Variants in MYH4 observed in about 807,000 individuals in gnomAD.
MYH4 encodes the protein myosin heavy chain 4, also known as myosin-4.
In MYH4, 200 loss-of-function variants were observed where a neutral mutation model predicts 229.9. That is an observed-to-expected ratio of 0.87 (90% CI 0.78 to 0.98). The LOEUF is 0.98. Among genes scored for constraint, MYH4 ranks in the 50% least tolerant of loss-of-function variants. The probability of loss-of-function intolerance (pLI) is 0.00; values close to 1 mark genes in which losing one functional copy is unlikely to be tolerated. For synonymous variants in MYH4, 761 were observed against 834.6 expected (o/e 0.91, Z 1.52); for missense variants, 2,148 against 2,332.6 (o/e 0.92, Z 1.63).
Position 10,447,197 on chromosome 17 carries a change from T to A in MYH4, c.4985A>T (p.Asp1662Val). Residue 1662 changes from aspartate (D) to valine (V), a missense_variant, in exon 35 of 40, where the codon GAT (aspartate) becomes GTT (valine). Physicochemically the swap from Asp to Val is radical, Grantham distance 152. Transcript: ENST00000255381. The part of the protein sequence containing the change: ...GILKDTQLHL[D>V]DAIRGQDDLK... ...GTCATCTTGGCCTCTGATGGCATCA[T>A]CCAAATGTAGCTGAGTGTCCTACAC... 6.2e-7 allele frequency: 1 copy of A among 1,614,126 alleles called. No individual in the cohort carries two copies. Among genetic ancestry groups the A allele is most frequent in the Non-Finnish European group, 8.5e-7 (1 of 1,179,996 alleles).
chr17:10,466,255 C>T lies in MYH4; in HGVS notation c.348+18G>A, dbSNP rs200731118. 37 of 1,611,164 alleles carry T rather than the reference C, an allele frequency of 2.3e-5. No homozygotes were observed. Among genetic ancestry groups the T allele is most frequent in the East Asian group, 6.7e-5 (3 of 44,836 alleles). On this transcript the variant is annotated intron_variant, in intron 4 of 39. Transcript: ENST00000255381. ...AGAATGTGGAGTGAGTGAGAAATAG[C>T]GTTGAAAGGGTGCTCACGTAGATCA... is the stretch of plus-strand genomic sequence containing the variant.
In MYH4 at chr17:10,443,466, G is replaced by T; in HGVS notation, c.5729C>A (p.Ala1910Asp). 6.2e-7 allele frequency: 1 copy of T among 1,614,014 alleles called. No individual in the cohort carries two copies. Among genetic ancestry groups the T allele is most frequent in the African/African-American group, 1.3e-5 (1 of 75,022 alleles). ...FRKLQHELEEAKERADIAESQ... is the reference protein window; with the variant it reads ...FRKLQHELEEDKERADIAESQ... ...CTCAGCAATGTCAGCCCGTTCCTTG[G>T]CCTCCTCCAGCTCGTGCTGGAGCTT... is the stretch of plus-strand genomic sequence containing the variant. Residue 1910 changes from alanine (A) to aspartate (D), a missense_variant, in exon 40 of 40, where the codon GCC becomes GAC. Transcript: ENST00000255381. This position sits in a 1 kb window ranked among gnomAD's most constrained non-coding sequence, Gnocchi z 4.6.
At chr17:10,447,563 G>A (rs1249811769) in intron 34 of MYH4, among the ~76,000 whole-genome samples, 1 of 152,172 alleles carries the variant, frequency 6.6e-6, no homozygotes, top group Non-Finnish European at 1.5e-5. Flanking sequence ...GTGGCATGTA[G>A]CCAAACTCTT....
chr17:10,462,863 ACATCTGTGGC>A lies in MYH4; in HGVS notation c.1000_1008+1del. 1 of 1,611,010 alleles carries A rather than the reference ACATCTGTGGC, an allele frequency of 6.2e-7. No individual in the cohort carries two copies. Among genetic ancestry groups the A allele is most frequent in the East Asian group, 2.2e-5 (1 of 44,872 alleles). ...TTTTACTACTTTGTACCTATTACTT[ACATCTGTGGC>A]CATCAGCTCTTCCTGGTCATCAATG... On this transcript the variant is annotated splice_donor_variant and coding_sequence_variant, in exon 11 of 40. Transcript: ENST00000255381. LOFTEE classifies it high-confidence loss of function.
rs372326986 is a variant in MYH4 at position 10,447,332 on chromosome 17, C to G, written c.4966-116G>C. On this transcript the variant is annotated intron_variant, in intron 34 of 39. Transcript: ENST00000255381. ...TAGAGTATGATTAGATAGGAGCAATCGGCAAGTACCTTTAATAATAAATTC... is the reference window on the plus strand; with the variant it reads ...TAGAGTATGATTAGATAGGAGCAATGGGCAAGTACCTTTAATAATAAATTC... 6 of 773,684 alleles carry G rather than the reference C, an allele frequency of 7.8e-6. No individual in the cohort carries two copies. The Admixed American group carries it at 1.2e-4, about 15-fold the overall frequency. 47.9% of individuals were successfully genotyped at this position (773,684 alleles called of 1,614,324 possible).
rs199974986 is a variant in MYH4 at position 10,445,063 on chromosome 17, G to A, written c.5379C>T (p.Thr1793=). The A allele has an allele frequency of 4.2e-5, 68 of 1,613,968 alleles. No homozygotes were observed. Among genetic ancestry groups the A allele is most frequent in the Middle Eastern group, 3.3e-4 (2 of 6,084 alleles). ...CCAGACGGAGCTGCAGATCCTTCACGGTCTGCTCCATGTTCTTCTTCATCC... is the reference window on the plus strand; with the variant it reads ...CCAGACGGAGCTGCAGATCCTTCACAGTCTGCTCCATGTTCTTCTTCATCC... ...LERMKKNMEQ[T]VKDLQLRLDE... is the part of the protein sequence containing the mutation. Residue 1793 remains threonine (T), a synonymous_variant, in exon 37 of 40, where the codon ACC becomes ACT. Transcript: ENST00000255381.
Position 10,451,352 on chromosome 17 carries a change from TG to T in MYH4, c.3838del (p.Gln1280ArgfsTer16), listed in dbSNP as rs1409371920. On this transcript the variant is annotated frameshift_variant, in exon 28 of 40. Coordinates refer to ENST00000255381, the MANE Select transcript of MYH4 (RefSeq NM_017533.2). LOFTEE classifies it high-confidence loss of function. ...QQRLINELSA[Q>X]KARLHTESGE... is the part of the protein sequence containing the mutation. Reference sequence around the variant, plus strand: ...TGATTCTGTGTGTAAACGTGCCTTCTGGGCTGACAACTCATTTATTAAGCGT... The same window carrying T: ...TGATTCTGTGTGTAAACGTGCCTTCTGGCTGACAACTCATTTATTAAGCGT... 1.2e-6 allele frequency: 2 copies of T among 1,614,098 alleles called. No individual in the cohort carries two copies. Among genetic ancestry groups the T allele is most frequent in the East Asian group, 4.5e-5 (2 of 44,876 alleles).
rs751983408 is a variant in MYH4 at position 10,460,928 on chromosome 17, C to T, written c.1135G>A (p.Asp379Asn). The T allele has an allele frequency of 6.2e-7, 1 of 1,614,116 alleles. No individual in the cohort carries two copies. Among genetic ancestry groups the T allele is most frequent in the South Asian group, 1.1e-5 (1 of 91,060 alleles). ...QKQREEQAEP[D>N]GTEVADKAAY... ...CAGGGGGTGGTACCTTCCGTGCCAT[C>T]TGGCTCTGCCTGCTCTTCCCTTTGC... The change falls in exon 12 of 40, where the codon GAT becomes AAT. Residue 379 changes from aspartate to asparagine, a missense_variant. By Grantham distance (23) the Asp-to-Asn change is conservative. Transcript: ENST00000255381.
At chr17:10,448,317 T>C (rs766673609) in intron 33 of MYH4, 79 bp downstream of exon 33, 24 of 1,479,304 alleles carry the variant, frequency 1.6e-5, no homozygotes, top group Non-Finnish European at 1.9e-5. Flanking sequence ...CCCTAAAGAT[T>C]TGCAACATGA....
rs189738574 is a variant in MYH4 at position 10,451,377 on chromosome 17, G to A, written c.3814C>T (p.Arg1272Cys). 269 of 1,613,954 alleles carry A rather than the reference G, an allele frequency of 1.7e-4. 2 individuals carry two copies. Among genetic ancestry groups the A allele is most frequent in the Admixed American group, 2.3e-4 (14 of 59,976 alleles). The change falls in exon 28 of 40, where the codon CGC (arginine) becomes TGC (cysteine). Residue 1272 changes from arginine to cysteine, a missense_variant. Transcript: ENST00000255381. ...TGGGCTGACAACTCATTTATTAAGC[G>A]TTGTTGCTCTTCTTCCTTTGTTTTT... ...EIKTKEEEQQ[R>C]LINELSAQKA...
At position 10,453,632 on chromosome 17, in the gene MYH4, A is replaced by G. The variant is rs1228916700; in HGVS notation, c.2934+11T>C. ...GCTTATAAATATTCTAAAATGGATC[A>G]TGATTTGTACCTTGTTCTCTGTGGC... is the stretch of plus-strand genomic sequence containing the variant. On this transcript the variant is annotated intron_variant, in intron 23 of 39. Transcript: ENST00000255381. 2 of 1,613,998 alleles carry G rather than the reference A, an allele frequency of 1.2e-6. No individual in the cohort carries two copies. Among genetic ancestry groups the G allele is most frequent in the Non-Finnish European group, 1.7e-6 (2 of 1,180,010 alleles).
chr17:10,459,154 A>G, intron 15 of MYH4, 97 bp downstream of exon 15: 9 of 1,585,412 alleles, frequency 5.7e-6, no homozygotes. Flanking sequence ...GTCAGGAAAC[A>G]GCACTGCTTG....
chr17:10,461,850 T>G (rs1360262054), intron 11 of MYH4, among the ~76,000 whole-genome samples: 1 of 152,330 alleles, frequency 6.6e-6, no homozygotes, highest in East Asian at 1.9e-4. Flanking sequence ...TTTACCATTC[T>G]TACCTAAGAC....
chr17:10,443,264 T>G (rs1007884299), downstream of MYH4: 4 of 1,194,840 alleles, frequency 3.3e-6, no homozygotes, highest in African/African-American at 6.1e-5. This position sits in a 1 kb window ranked among gnomAD's most constrained non-coding sequence, Gnocchi z 4.6. Flanking sequence ...ACAAATGTAT[T>G]TTTAGATGCA....
chr17:10,465,739 C>A, intron 4 of MYH4, 141 bp from the exon 5 acceptor site: 79 of 776,936 alleles, frequency 1.0e-4, no homozygotes, highest in Non-Finnish European at 1.4e-4. Context: ...CTCCTTCCAT[C>A]ATTGCTGCTG....
intron 27 of MYH4, 102 bp downstream of exon 27, chr17:10,451,839 C>A: frequency 7.1e-7 from 1 of 1,405,814 alleles, no homozygotes; most frequent in Non-Finnish European, 9.6e-7. Flanking sequence ...GCTTCAGATG[C>A]CATCTAATGT....
chr17:10,450,313 TG>T, intron 30 of MYH4, 139 bp downstream of exon 30: 1 of 1,353,986 alleles, frequency 7.4e-7, no homozygotes, highest in Non-Finnish European at 1.0e-6. Flanking sequence ...AAGAAGAATA[TG>T]GTGGAATCCA....
intron 7 of MYH4, 152 bp from the exon 8 acceptor site, chr17:10,463,795 G>A: frequency 1.7e-6 from 1 of 603,288 alleles, no homozygotes; most frequent in Non-Finnish European, 2.8e-6. Flanking sequence ...AATCGGGAAG[G>A]GGAGTGGGAC....
At chr17:10,462,402 G>A (rs2072712549) in intron 11 of MYH4, among the ~76,000 whole-genome samples, 2 of 152,136 alleles carry the variant, frequency 1.3e-5, no homozygotes, top group African/African-American at 4.8e-5. Context: ...TGCTTAGGGA[G>A]TAGAGAGGGA....
Sources: gnomAD v4.1 joint callset for allele counts (sites outside exome capture counted in the v4.1 genomes callset) on GRCh38, gnomAD v4.1.1 for gene constraint, Gnocchi (gnomAD v3.1) non-coding constraint, MANE v1.5 for transcripts, NCBI Gene and HGNC (gene_info 2026-07-23, HGNC 2026-07-21) for gene names.